The following COG5 variants were observed in gnomAD, a reference collection of about 807,000 sequenced individuals.
The protein encoded by COG5 is conserved oligomeric Golgi complex subunit 5.
In COG5, 86 loss-of-function variants were observed where a neutral mutation model predicts 110.4. The ratio of observed to expected loss-of-function variants is 0.78; its 90% confidence interval spans 0.65 to 0.93. The LOEUF is 0.93. Ranked by LOEUF, COG5 falls within the 40% of genes least tolerant of loss-of-function variation. The pLI is 0.00. For missense variants in COG5, 1,077 were observed against 987.0 expected (o/e 1.09, Z -1.22); for synonymous variants, 360 against 334.6 (o/e 1.08, Z -0.83).
chr7:107,334,597 A>G (rs184747145), intron 10 of COG5, among the ~76,000 whole-genome samples: 16 of 152,300 alleles, frequency 1.1e-4, no homozygotes, highest in Non-Finnish European at 1.5e-4. Context: ...AGACTTCTCA[A>G]TGGTAACCAC....
At chr7:107,277,038 T>C (rs1804752312) in intron 14 of COG5, among the ~76,000 whole-genome samples, 1 of 152,228 alleles carries the variant, frequency 6.6e-6, no homozygotes. Context: ...GCTAAATCCC[T>C]ATTATTTCAA....
rs187499796 is a variant in COG5 at position 107,543,235 on chromosome 7, A to G, written c.417+4876T>C. 2.2e-4 allele frequency among the ~76,000 whole-genome samples: 34 copies of G among 152,352 alleles called. 1 individual carries two copies. In the East Asian group the frequency reaches 4.0e-3, roughly 18 times the overall value. ...ACATTACAGCACGTGAATACAGCAC[A>G]GAAATAAAAAGAGGCACATTGAAGA... On this transcript the variant is annotated intron_variant, in intron 5 of 21. Coordinates refer to ENST00000297135, the MANE Select transcript of COG5 (RefSeq NM_006348.5).
chr7:107,509,270 T>C (rs908025316), intron 6 of COG5, among the ~76,000 whole-genome samples: 9 of 152,046 alleles, frequency 5.9e-5, no homozygotes, highest in African/African-American at 2.2e-4. Flanking sequence ...CGGGAGCTGA[T>C]GCGATCAACT....
intron 6 of COG5, among the ~76,000 whole-genome samples, chr7:107,507,283 C>T (rs1340899802): frequency 6.7e-6 from 1 of 148,944 alleles, no homozygotes; most frequent in Non-Finnish European, 1.5e-5. Flanking sequence ...TGAAATAAAA[C>T]TTCCTTTTCT....
chr7:107,415,791 T>G lies in COG5; in HGVS notation c.539-3159A>C, dbSNP rs532564737. Among the ~76,000 whole-genome samples, 38 of 127,600 alleles carry G rather than the reference T, an allele frequency of 3.0e-4. No individual in the cohort carries two copies. In the East Asian group the frequency reaches 5.9e-3, roughly 20 times the overall value. 83.7% of individuals were successfully genotyped at this position (127,600 alleles called of 152,430 possible). On this transcript the variant is annotated intron_variant, in intron 6 of 21. Transcript: ENST00000297135. The stretch of plus-strand genomic sequence containing the variant: ...GTATATATACACACACATACACGTA[T>G]GTATGTATGTGTGTATATATACACA...
intron 6 of COG5, among the ~76,000 whole-genome samples, chr7:107,439,392 C>G (rs1304146393): frequency 6.6e-6 from 1 of 152,124 alleles, no homozygotes; most frequent in Non-Finnish European, 1.5e-5. Flanking sequence ...TGGATTTGCT[C>G]TCCCCGTTTT....
At chr7:107,380,267 A>G (rs1002562636) in intron 7 of COG5, among the ~76,000 whole-genome samples, 1 of 152,216 alleles carries the variant, frequency 6.6e-6, no homozygotes. Context: ...GAGAAGCAAG[A>G]GCAAACAAAT....
At position 107,236,453 on chromosome 7, in the gene COG5, T is replaced by G. The variant is rs372319280; in HGVS notation, c.2088A>C (p.Ala696=). 259 of 1,611,228 alleles carry G rather than the reference T, an allele frequency of 1.6e-4. No individual in the cohort carries two copies. Among genetic ancestry groups the G allele is most frequent in the Admixed American group, 3.7e-4 (22 of 60,022 alleles). Reference sequence around the variant, plus strand: ...TTGTAGTAATTCATCAATGTACCTGTGCAAAATCAGCAGCAAGTCGCATTT... The same window carrying G: ...TTGTAGTAATTCATCAATGTACCTGGGCAAAATCAGCAGCAAGTCGCATTT... ...GGKMRLAADF[A]QMELAVGPFC... is the part of the protein sequence containing the mutation. The change falls in exon 18 of 22, where the codon GCA becomes GCC. Residue 696 remains alanine, a synonymous_variant. Transcript: ENST00000297135.
chr7:107,541,616 A>G (rs1031823744), intron 5 of COG5, among the ~76,000 whole-genome samples: 3 of 146,172 alleles, frequency 2.1e-5, no homozygotes, highest in Non-Finnish European at 4.4e-5. Flanking sequence ...GAAGATATAA[A>G]AAGACACAAA....
intron 6 of COG5, among the ~76,000 whole-genome samples, chr7:107,465,974 TG>T (rs1373266802): frequency 6.6e-6 from 1 of 152,114 alleles, no homozygotes; most frequent in Non-Finnish European, 1.5e-5. Context: ...GTAATCTAGT[TG>T]ATCAATGGAC....
At chr7:107,286,175 G>C (rs1339500828) in intron 12 of COG5, among the ~76,000 whole-genome samples, 1 of 152,134 alleles carries the variant, frequency 6.6e-6, no homozygotes, top group Non-Finnish European at 1.5e-5. Context: ...CCTGAGGAGA[G>C]ACCATACCTG....
At chr7:107,294,108 C>T (rs1474067634) in intron 12 of COG5, among the ~76,000 whole-genome samples, 3 of 151,882 alleles carry the variant, frequency 2.0e-5, no homozygotes, top group Non-Finnish European at 4.4e-5. Flanking sequence ...ATGATTACTT[C>T]CAAATACATA....
chr7:107,346,205 ATAT>A (rs1303936953), intron 10 of COG5, among the ~76,000 whole-genome samples: 5 of 152,202 alleles, frequency 3.3e-5, no homozygotes, highest in African/African-American at 1.2e-4. Context: ...AAGAACAAAC[ATAT>A]TATGGAAACA....
chr7:107,464,333 G>A (rs140985746), intron 6 of COG5, among the ~76,000 whole-genome samples: 2 of 152,272 alleles, frequency 1.3e-5, no homozygotes, highest in East Asian at 3.9e-4. Flanking sequence ...CCTGAGGCTT[G>A]CTGTTTTGTT....
chr7:107,309,599 C>A (rs541515723), intron 11 of COG5, among the ~76,000 whole-genome samples: 2 of 152,080 alleles, frequency 1.3e-5, no homozygotes, highest in South Asian at 2.1e-4. Flanking sequence ...TTTTTGTTGT[C>A]CTTTAAGGGT....
chr7:107,541,468 G>T (rs1801981563), intron 5 of COG5, among the ~76,000 whole-genome samples: 1 of 113,674 alleles, frequency 8.8e-6, no homozygotes, highest in Non-Finnish European at 1.6e-5. Flanking sequence ...CTGCACTCCA[G>T]CCTGGGCAAC....
intron 1 of COG5, chr7:107,563,555 G>GC (rs997888407): frequency 1.2e-5 from 6 of 499,776 alleles, no homozygotes; most frequent in African/African-American, 6.0e-5. Flanking sequence ...GGGGGGGGGG[G>GC]GGGTCGAGTT....
At chr7:107,383,530 A>G (rs1375649371) in intron 7 of COG5, among the ~76,000 whole-genome samples, 1 of 152,136 alleles carries the variant, frequency 6.6e-6, no homozygotes, top group Non-Finnish European at 1.5e-5. Flanking sequence ...GATAATTCCT[A>G]TTCTCTAGGC....
chr7:107,506,465 T>C (rs899896793), intron 6 of COG5, among the ~76,000 whole-genome samples: 1 of 152,148 alleles, frequency 6.6e-6, no homozygotes, highest in Non-Finnish European at 1.5e-5. Context: ...CAGCAGCCCC[T>C]GGGCAGGAGT....
Sources: allele counts gnomAD v4.1 joint callset (sites outside exome capture counted in the v4.1 genomes callset), GRCh38; gene constraint gnomAD v4.1.1; transcripts MANE v1.5; gene names NCBI Gene and HGNC (gene_info 2026-07-23, HGNC 2026-07-21).